Variants in INTS4 observed in about 807,000 individuals in gnomAD.
The protein encoded by INTS4 is MSTP093.
In INTS4, 70 loss-of-function variants were observed where a neutral mutation model predicts 119.5. The ratio of observed to expected loss-of-function variants is 0.59; its 90% CI spans 0.48 to 0.71. The LOEUF (loss-of-function observed/expected upper bound fraction) is 0.71, where lower values mean the gene tolerates loss of function less well. Ranked by LOEUF, INTS4 falls within the 30% of genes least tolerant of loss-of-function variation. INTS4 has a pLI of 0.00. For synonymous variants in INTS4, 316 were observed against 419.6 expected (o/e 0.75, Z 3.02); for missense variants, 867 against 1,173.2 (o/e 0.74, Z 3.81).
At chr11:77,968,864 C>G (rs566152779) in intron 4 of INTS4, among the ~76,000 whole-genome samples, 1 of 152,160 alleles carries the variant, frequency 6.6e-6, no homozygotes, top group Non-Finnish European at 1.5e-5. Flanking sequence ...TTCATAGCAG[C>G]ATTATTCAAA....
At chr11:77,961,494 T>C (rs538428919) in intron 4 of INTS4, among the ~76,000 whole-genome samples, 153 of 152,350 alleles carry the variant, frequency 1.0e-3, no homozygotes, top group South Asian at 6.4e-3. Flanking sequence ...TATAAATTTT[T>C]AAAACTTTTA....
intron 4 of INTS4, among the ~76,000 whole-genome samples, chr11:77,976,619 A>T (rs1855961819): frequency 2.0e-5 from 3 of 152,232 alleles, no homozygotes; most frequent in Admixed American, 1.3e-4. Context: ...ATAAAGACAC[A>T]TGCACATGTA....
At chr11:77,948,210 A>G (rs1408231331) in intron 8 of INTS4, among the ~76,000 whole-genome samples, 2 of 152,252 alleles carry the variant, frequency 1.3e-5, no homozygotes, top group African/African-American at 4.8e-5. Context: ...AACAAGAAAG[A>G]GAATGAAAAT....
chr11:77,900,048 A>G (rs960921197), intron 18 of INTS4, among the ~76,000 whole-genome samples: 5 of 152,234 alleles, frequency 3.3e-5, no homozygotes, highest in Admixed American at 2.0e-4. Flanking sequence ...TTTTTCAGCT[A>G]TAACTGGCAC....
At chr11:77,985,399 T>C (rs1856418672) in intron 2 of INTS4, among the ~76,000 whole-genome samples, 1 of 152,208 alleles carries the variant, frequency 6.6e-6, no homozygotes. Context: ...CACATCTCCA[T>C]GCCCATGTTC....
chr11:77,898,975 G>A (rs1260825887), intron 18 of INTS4, among the ~76,000 whole-genome samples: 6 of 152,152 alleles, frequency 3.9e-5, no homozygotes, highest in South Asian at 2.1e-4. Context: ...AGTTGAGATC[G>A]TGCCACTGCA....
chr11:77,989,215 C>T (rs372724803), intron 2 of INTS4, among the ~76,000 whole-genome samples: 8 of 152,150 alleles, frequency 5.3e-5, no homozygotes, highest in African/African-American at 1.4e-4. Flanking sequence ...AGGCTGGGCG[C>T]GGTGGCTCAC....
At chr11:77,973,783 G>C (rs1565283943) in intron 4 of INTS4, among the ~76,000 whole-genome samples, 3 of 152,006 alleles carry the variant, frequency 2.0e-5, no homozygotes, top group Admixed American at 6.5e-5. Flanking sequence ...TTGCATTCCT[G>C]GAATAAATCC....
chr11:77,980,990 T>TA (rs555825853), intron 3 of INTS4, among the ~76,000 whole-genome samples: 97 of 143,300 alleles, frequency 6.8e-4, no homozygotes, highest in Non-Finnish European at 7.7e-4. Context: ...GAGACTCCGT[T>TA]AAAAAAAAAA....
At chr11:77,883,102 C>A (rs1951857084) in intron 22 of INTS4, among the ~76,000 whole-genome samples, 1 of 130,610 alleles carries the variant, frequency 7.7e-6, no homozygotes, top group African/African-American at 3.1e-5. Context: ...ATAATAATAG[C>A]CTTATAATTA....
In INTS4 at chr11:77,981,488, T is replaced by A; in HGVS notation, c.335A>T (p.Asp112Val). Residue 112 changes from aspartate (D) to valine (V), a missense_variant, in exon 3 of 23, where the codon GAT (aspartate) becomes GTT (valine). Asp to Val is a radical substitution (Grantham distance 152, BLOSUM62 -3). This residue lies in a region of INTS4 where 224 missense variants were observed against 231.8 expected (regional missense o/e 0.97). Transcript: ENST00000534064. ...ATTCTGCAGGATGTTGATGGCATCA[T>A]CCATAATGCAGTCTGGTGAAAATCC... ...TAGFSPDCIMDDAINILQNEK... is the reference protein window; with the variant it reads ...TAGFSPDCIMVDAINILQNEK... The A allele has an allele frequency of 6.4e-7, 1 of 1,554,786 alleles. No individual in the cohort carries two copies. Among genetic ancestry groups the A allele is most frequent in the Non-Finnish European group, 8.7e-7 (1 of 1,146,054 alleles).
At chr11:77,979,198 C>T (rs906833046) in intron 3 of INTS4, 96 bp from the exon 4 acceptor site, 3 of 662,666 alleles carry the variant, frequency 4.5e-6, no homozygotes, top group African/African-American at 3.6e-5. Context: ...TGGCTAGGCG[C>T]AGTGACTCAC....
intron 4 of INTS4, among the ~76,000 whole-genome samples, chr11:77,963,806 C>T (rs1378613117): frequency 1.3e-5 from 2 of 152,124 alleles, no homozygotes; most frequent in African/African-American, 4.8e-5. Flanking sequence ...ACCTCAGTCT[C>T]CTGAGTAGCT....
intron 10 of INTS4, among the ~76,000 whole-genome samples, chr11:77,932,335 G>A (rs374832162): frequency 2.0e-5 from 3 of 152,068 alleles, no homozygotes; most frequent in Non-Finnish European, 4.4e-5. Context: ...ACATTTATGC[G>A]ACCAACAAAC....
chr11:77,963,893 C>T (rs942261089), intron 4 of INTS4, among the ~76,000 whole-genome samples: 2 of 152,124 alleles, frequency 1.3e-5, no homozygotes, highest in Non-Finnish European at 2.9e-5. Context: ...CCACATTGCC[C>T]AGACTGGTCT....
At chr11:77,899,010 ACT>A (rs1289193807) in intron 18 of INTS4, among the ~76,000 whole-genome samples, 3 of 151,516 alleles carry the variant, frequency 2.0e-5, no homozygotes, top group African/African-American at 7.3e-5. Context: ...ATAGAGCAAG[ACT>A]CTGTCTCATA....
At chr11:77,898,441 C>T (rs1486289972) in intron 18 of INTS4, among the ~76,000 whole-genome samples, 4 of 152,160 alleles carry the variant, frequency 2.6e-5, no homozygotes, top group African/African-American at 4.8e-5. Flanking sequence ...GGATTACAGG[C>T]GTGAGCCACT....
intron 18 of INTS4, among the ~76,000 whole-genome samples, chr11:77,900,394 C>T (rs1210165370): frequency 5.9e-5 from 9 of 152,092 alleles, no homozygotes; most frequent in South Asian, 2.1e-4. Flanking sequence ...CCACCACACC[C>T]GGCCACATAT....
chr11:77,958,100 G>A (rs1320913645), intron 7 of INTS4, among the ~76,000 whole-genome samples: 7 of 151,964 alleles, frequency 4.6e-5, no homozygotes, highest in Non-Finnish European at 8.8e-5. Flanking sequence ...ACTACAAATG[G>A]AGCCTACTCC....
Sources: gnomAD v4.1 joint callset for allele counts (sites outside exome capture counted in the v4.1 genomes callset) on GRCh38, gnomAD v4.1.1 for gene constraint, gnomAD v4.1.1 regional missense constraint, MANE v1.5 for transcripts, NCBI Gene and HGNC (gene_info 2026-07-23, HGNC 2026-07-21) for gene names.